Variants in TOX2 observed in about 807,000 individuals in gnomAD.
The protein encoded by TOX2 is TOX high mobility group box family member 2.
Under a neutral mutation model 47.4 loss-of-function variants are expected in TOX2, and 15 were observed. That is an observed-to-expected ratio of 0.32 (90% CI 0.21 to 0.49). The LOEUF (loss-of-function observed/expected upper bound fraction) is 0.49, where lower values mean the gene tolerates loss of function less well. TOX2 is among the 20% of genes least tolerant of loss of function. The probability of loss-of-function intolerance (pLI) is 0.99; values close to 1 mark genes in which losing one functional copy is unlikely to be tolerated. For synonymous variants in TOX2, 290 were observed against 296.6 expected (o/e 0.98, Z 0.23); for missense variants, 622 against 673.1 (o/e 0.92, Z 0.84).
intron 1 of TOX2, among the ~76,000 whole-genome samples, chr20:43,921,019 TG>T (rs2069107427): frequency 6.6e-6 from 1 of 152,232 alleles, no homozygotes; most frequent in Admixed American, 6.5e-5. Flanking sequence ...AGTTGTAACC[TG>T]TGGCTTGAGG....
chr20:44,024,793 A>G (rs1317845741), intron 3 of TOX2, among the ~76,000 whole-genome samples: 5 of 152,118 alleles, frequency 3.3e-5, no homozygotes, highest in African/African-American at 4.8e-5. Context: ...TATATACAAT[A>G]ATATATACAA....
chr20:43,968,342 A>G (rs940398108), intron 1 of TOX2, among the ~76,000 whole-genome samples: 1 of 152,258 alleles, frequency 6.6e-6, no homozygotes, highest in Admixed American at 6.5e-5. Flanking sequence ...AATTTGCCCA[A>G]GGTGGCACAG....
At chr20:44,037,465 A>G (rs1600767254) in intron 3 of TOX2, among the ~76,000 whole-genome samples, 2 of 152,360 alleles carry the variant, frequency 1.3e-5, no homozygotes, top group East Asian at 3.9e-4. Context: ...CTGTATGGAT[A>G]CAGTGGAAAA....
intron 3 of TOX2, among the ~76,000 whole-genome samples, chr20:44,032,052 A>G (rs2071161510): frequency 2.0e-5 from 3 of 152,220 alleles, no homozygotes; most frequent in African/African-American, 7.2e-5. Context: ...GAACAGAAGC[A>G]TAATGGGATG....
intron 5 of TOX2, among the ~76,000 whole-genome samples, chr20:44,064,182 C>T (rs1220861119): frequency 2.6e-5 from 4 of 152,198 alleles, no homozygotes; most frequent in African/African-American, 4.8e-5. Flanking sequence ...ATCACTTTGT[C>T]AGTCTCTGCA....
At chr20:43,932,109 C>T (rs541379130) in intron 1 of TOX2, among the ~76,000 whole-genome samples, 1 of 152,238 alleles carries the variant, frequency 6.6e-6, no homozygotes, top group Non-Finnish European at 1.5e-5. Context: ...TCAAAGAAGA[C>T]TCAGGAAGTA....
At position 43,927,643 on chromosome 20, in the gene TOX2, C is replaced by T. The variant is rs1043517539; in HGVS notation, c.99+12653C>T. Among the ~76,000 whole-genome samples the T allele has an allele frequency of 3.0e-3, 333 of 110,992 alleles. 5 individuals are homozygous for T. Among genetic ancestry groups the T allele is most frequent in the East Asian group, 0.016 (42 of 2,620 alleles). The allele number at this position is 110,992 out of a possible 152,430, so 72.8% of individuals were successfully genotyped here. ...TTCCTTCCTCCTTCCTTCCTTCCTC[C>T]CCTTCCCTTCCCTTCCCCTTCCTTC... On this transcript the variant is annotated intron_variant, in intron 1 of 8. Transcript: ENST00000341197.
rs2069061885 is a variant in TOX2, at chr20:43,916,988, A to T, written c.99+1998A>T. On this transcript the variant is annotated intron_variant, in intron 1 of 8. Coordinates refer to ENST00000341197, the MANE Select transcript of TOX2 (RefSeq NM_001098797.2). This position sits in a 1 kb window ranked among gnomAD's most constrained non-coding sequence, Gnocchi z 5.0. ...TCAGGGAGGGAATGAGAAGCCGGCG[A>T]TTCTGGTTTCTTTCTGTGTGGGATG... 6.7e-6 allele frequency among the ~76,000 whole-genome samples: 1 copy of T among 148,152 alleles called. No individual in the cohort carries two copies. The highest frequency in any genetic ancestry group is 2.3e-4 in the South Asian group (1 of 4,276).
chr20:44,024,360 G>A (rs183224599), intron 3 of TOX2, among the ~76,000 whole-genome samples: 3 of 152,032 alleles, frequency 2.0e-5, no homozygotes, highest in African/African-American at 7.2e-5. Context: ...CTAAGCATCA[G>A]AGTTGTGTTC....
intron 1 of TOX2, among the ~76,000 whole-genome samples, chr20:43,917,751 G>A (rs1189852101): frequency 2.0e-5 from 3 of 152,042 alleles, no homozygotes; most frequent in East Asian, 1.9e-4. Context: ...ATGAAAAGCT[G>A]TTATGGTTTT....
intron 3 of TOX2, among the ~76,000 whole-genome samples, chr20:44,032,077 G>A (rs113895665): frequency 1.3e-5 from 2 of 152,308 alleles, no homozygotes; most frequent in Admixed American, 6.5e-5. Flanking sequence ...ATGCTGGCCC[G>A]GTGTGAGGGG....
intron 3 of TOX2, among the ~76,000 whole-genome samples, chr20:44,043,372 T>C (rs1455389168): frequency 6.6e-6 from 1 of 152,264 alleles, no homozygotes. Context: ...GGTCCCTTTG[T>C]ACCTCTCTGT....
At position 44,054,293 on chromosome 20, in the gene TOX2, G is replaced by A. The variant is rs1472051281; in HGVS notation, c.652-6G>A. On this transcript the variant is annotated splice_region_variant and splice_polypyrimidine_tract_variant and intron_variant, in intron 4 of 8. Coordinates refer to ENST00000341197, the MANE Select transcript of TOX2 (RefSeq NM_001098797.2). ...TTTGGTTTTCTGACTCTTCTCACTC[G>A]GGCAGATCTCGGGAGAAAAGAGACC... is the stretch of plus-strand genomic sequence containing the variant. The A allele has an allele frequency of 3.7e-6, 6 of 1,602,698 alleles. No homozygotes were observed. The highest frequency in any genetic ancestry group is 5.1e-6 in the Non-Finnish European group (6 of 1,174,294).
chr20:43,966,038 A>C (rs2069846869), intron 1 of TOX2, among the ~76,000 whole-genome samples: 2 of 152,202 alleles, frequency 1.3e-5, no homozygotes, highest in Non-Finnish European at 2.9e-5. Context: ...TTTATTAAGC[A>C]CCTGTCAAAA....
At chr20:44,046,960 T>A (rs1182013752) in intron 3 of TOX2, among the ~76,000 whole-genome samples, 1 of 152,130 alleles carries the variant, frequency 6.6e-6, no homozygotes, top group East Asian at 1.9e-4. Flanking sequence ...ATAACAAAAA[T>A]CTCAGTACTT....
chr20:44,028,492 A>G (rs2071099406), intron 3 of TOX2, among the ~76,000 whole-genome samples: 1 of 152,214 alleles, frequency 6.6e-6, no homozygotes, highest in African/African-American at 2.4e-5. Context: ...TCTCTGCTTC[A>G]TTCCATCAGG....
intron 2 of TOX2, among the ~76,000 whole-genome samples, chr20:44,005,404 G>C (rs925418004): frequency 1.3e-5 from 2 of 152,178 alleles, no homozygotes; most frequent in African/African-American, 4.8e-5. Context: ...ATCTGTTCCA[G>C]AGTGTAGAAA....
intron 3 of TOX2, among the ~76,000 whole-genome samples, chr20:44,049,101 C>G (rs2071464921): frequency 6.6e-6 from 1 of 152,258 alleles, no homozygotes; most frequent in Non-Finnish European, 1.5e-5. Context: ...CAGCACAACT[C>G]TGTCTCAAAA....
At chr20:44,025,416 G>T (rs1035210575) in intron 3 of TOX2, among the ~76,000 whole-genome samples, 4 of 69,202 alleles carry the variant, frequency 5.8e-5, no homozygotes, top group African/African-American at 2.2e-4. Context: ...GGCAAGTGGT[G>T]TCCTCTGAAG....
Sources: gnomAD v4.1 joint callset for allele counts (sites outside exome capture counted in the v4.1 genomes callset) on GRCh38, gnomAD v4.1.1 for gene constraint, Gnocchi (gnomAD v3.1) non-coding constraint, MANE v1.5 for transcripts, NCBI Gene and HGNC (gene_info 2026-07-23, HGNC 2026-07-21) for gene names.